Variants in SPATA6 observed in about 807,000 individuals in gnomAD.
The protein encoded by SPATA6 is spermatogenesis associated 6.
A neutral mutation model predicts 65.3 loss-of-function variants in SPATA6; 56 were observed. The observed-to-expected ratio is 0.86, with a 90% confidence interval of 0.69 to 1.07. The LOEUF (loss-of-function observed/expected upper bound fraction) is 1.07, where lower values mean the gene tolerates loss of function less well. SPATA6 is among the 50% of genes least tolerant of loss of function. The probability of loss-of-function intolerance (pLI) is 0.00; values close to 1 mark genes in which losing one functional copy is unlikely to be tolerated. For synonymous variants in SPATA6, 199 were observed against 213.2 expected, an observed-to-expected ratio of 0.93 and a Z score of 0.58; for missense variants, 590 against 594.8, an observed-to-expected ratio of 0.99 and a Z score of 0.08.
chr1:48,441,106 T>A (rs1354593450), intron 3 of SPATA6, among the ~76,000 whole-genome samples: 1 of 152,082 alleles, frequency 6.6e-6, no homozygotes, highest in Non-Finnish European at 1.5e-5. Flanking sequence ...ACCAAGGCAA[T>A]CACTGGAAGG....
chr1:48,448,465 A>C (rs1042648271), intron 3 of SPATA6, among the ~76,000 whole-genome samples: 1 of 151,180 alleles, frequency 6.6e-6, no homozygotes, highest in Non-Finnish European at 1.5e-5. Flanking sequence ...GGCACACAAC[A>C]AACAAGTTTA....
At chr1:48,450,812 G>A (rs1240671302) in intron 3 of SPATA6, among the ~76,000 whole-genome samples, 1 of 152,138 alleles carries the variant, frequency 6.6e-6, no homozygotes, top group Non-Finnish European at 1.5e-5. Context: ...TCGCAATGGG[G>A]CCAGCAGGGG....
At chr1:48,357,119 T>C (rs962365764) in intron 10 of SPATA6, among the ~76,000 whole-genome samples, 1 of 152,178 alleles carries the variant, frequency 6.6e-6, no homozygotes, top group Non-Finnish European at 1.5e-5. Context: ...TGCTTGCCAG[T>C]CTAATTTCAT....
intron 3 of SPATA6, among the ~76,000 whole-genome samples, chr1:48,427,287 CA>C (rs1471742984): frequency 2.6e-5 from 4 of 151,720 alleles, no homozygotes; most frequent in African/African-American, 9.7e-5. Context: ...AATAATACGA[CA>C]GATATAATGC....
chr1:48,266,453 C>A, the SPATA6 span, among the ~76,000 whole-genome samples: 11 of 152,032 alleles, frequency 7.2e-5, no homozygotes, highest in Non-Finnish European at 1.3e-4. Flanking sequence ...AAATTATAAT[C>A]CCTGTTCTAC....
the SPATA6 span, among the ~76,000 whole-genome samples, chr1:48,274,269 A>G: frequency 1.7e-4 from 26 of 152,104 alleles, no homozygotes; most frequent in African/African-American, 6.0e-4. Context: ...AGATTGCAAA[A>G]GTTTTCTCCC....
At chr1:48,325,606 G>T (rs1645735076) in intron 11 of SPATA6, 1 of 820,054 alleles carries the variant, frequency 1.2e-6, no homozygotes, top group Non-Finnish European at 2.1e-6. Flanking sequence ...TCCACTTGTT[G>T]TGGGCAGTGT....
At chr1:48,438,519 T>C (rs1402291095) in intron 3 of SPATA6, among the ~76,000 whole-genome samples, 1 of 152,074 alleles carries the variant, frequency 6.6e-6, no homozygotes, top group Non-Finnish European at 1.5e-5. Context: ...TTCCTGTACT[T>C]CCAGGCTGAG....
intron 5 of SPATA6, among the ~76,000 whole-genome samples, chr1:48,405,403 G>A (rs1651604838): frequency 6.6e-6 from 1 of 152,206 alleles, no homozygotes; most frequent in South Asian, 2.1e-4. Flanking sequence ...ATCTGAGAGA[G>A]GTTGAGCTAT....
chr1:48,316,852 T>C (rs1011810717), intron 11 of SPATA6, among the ~76,000 whole-genome samples: 2 of 151,842 alleles, frequency 1.3e-5, no homozygotes, highest in Non-Finnish European at 2.9e-5. Flanking sequence ...AACAACCCCA[T>C]CAAAAAGTGT....
At chr1:48,366,791 T>A (rs1475652695) in intron 9 of SPATA6, among the ~76,000 whole-genome samples, 3 of 152,126 alleles carry the variant, frequency 2.0e-5, no homozygotes, top group African/African-American at 7.2e-5. Context: ...GTGTCTCTAT[T>A]TCCTTCAGTT....
At chr1:48,322,062 C>G (rs960590124) in intron 11 of SPATA6, among the ~76,000 whole-genome samples, 28 of 151,474 alleles carry the variant, frequency 1.8e-4, no homozygotes, top group African/African-American at 6.1e-4. Context: ...AAAAAGACGA[C>G]AAGTAGGTGG....
At chr1:48,372,706 G>C (rs527580483) in intron 9 of SPATA6, among the ~76,000 whole-genome samples, 1 of 152,224 alleles carries the variant, frequency 6.6e-6, no homozygotes, top group East Asian at 1.9e-4. Flanking sequence ...ATTTCTGCCT[G>C]GGCATCCAGG....
chr1:48,470,645 C>T (rs961620163), intron 1 of SPATA6, among the ~76,000 whole-genome samples: 1 of 152,076 alleles, frequency 6.6e-6, no homozygotes, highest in Non-Finnish European at 1.5e-5. Context: ...CTAAAACAGT[C>T]CTGTGATTTT....
At chr1:48,309,016 T>G (rs1416394076) in intron 11 of SPATA6, among the ~76,000 whole-genome samples, 1 of 152,102 alleles carries the variant, frequency 6.6e-6, no homozygotes, top group Non-Finnish European at 1.5e-5. Context: ...CTTCTGAATA[T>G]TAGGGATTAC....
chr1:48,440,226 G>A (rs1177521984), intron 3 of SPATA6, among the ~76,000 whole-genome samples: 3 of 152,074 alleles, frequency 2.0e-5, no homozygotes, highest in South Asian at 2.1e-4. Context: ...GGCCCAATCC[G>A]GGTACATGTC....
the SPATA6 span, among the ~76,000 whole-genome samples, chr1:48,285,248 C>G: frequency 1.3e-5 from 2 of 152,148 alleles, no homozygotes; most frequent in Non-Finnish European, 2.9e-5. Context: ...ACTGCCTACT[C>G]AAGCCTCAGT....
chr1:48,432,455 A>T (rs1445393431), intron 3 of SPATA6, among the ~76,000 whole-genome samples: 1 of 152,206 alleles, frequency 6.6e-6, no homozygotes, highest in Non-Finnish European at 1.5e-5. Flanking sequence ...CCAAAAAAAA[A>T]TTCAAAAATG....
At chr1:48,374,761 C>T (rs1169813088) in intron 9 of SPATA6, among the ~76,000 whole-genome samples, 3 of 152,160 alleles carry the variant, frequency 2.0e-5, no homozygotes, top group African/African-American at 7.2e-5. Context: ...CTTTAAGACT[C>T]ATGCCTTAAT....
Sources: allele counts gnomAD v4.1 joint callset (sites outside exome capture counted in the v4.1 genomes callset), GRCh38; gene constraint gnomAD v4.1.1; transcripts MANE v1.5; gene names NCBI Gene and HGNC (gene_info 2026-07-23, HGNC 2026-07-21).